Variants in MALRD1 observed in about 807,000 individuals in gnomAD.
MALRD1 encodes the protein MAM and LDL receptor class A domain containing 1.
A neutral mutation model predicts 242.1 loss-of-function variants in MALRD1; 247 were observed. The observed-to-expected ratio is 1.02, with a 90% CI of 0.92 to 1.13. The LOEUF (loss-of-function observed/expected upper bound fraction) is 1.13. Among genes scored for constraint, MALRD1 ranks in the 50% most tolerant of loss-of-function variants. MALRD1 has a pLI of 0.00. For missense variants in MALRD1, 2,989 were observed against 2,533.1 expected, an observed-to-expected ratio of 1.18 and a Z score of -3.86; for synonymous variants, 995 against 866.6, an observed-to-expected ratio of 1.15 and a Z score of -2.60.
chr10:19,450,638 T>C (rs1835271649), intron 29 of MALRD1, 148 bp downstream of exon 29: 3 of 771,044 alleles, frequency 3.9e-6, no homozygotes, highest in Non-Finnish European at 4.0e-6. Context: ...AATTGTGAAC[T>C]TAAAACTGTA....
At chr10:19,644,445 T>C (rs1291961602) in intron 36 of MALRD1, among the ~76,000 whole-genome samples, 1 of 376 alleles carries the variant, frequency 2.7e-3, no homozygotes, top group Non-Finnish European at 6.0e-3. Context: ...AAGAAACTTA[T>C]GCCCCCAAAT....
intron 22 of MALRD1, among the ~76,000 whole-genome samples, 154 bp downstream of exon 22, chr10:19,324,259 G>A (rs563841765): frequency 1.3e-5 from 2 of 152,236 alleles, no homozygotes; most frequent in African/African-American, 4.8e-5. Context: ...AAAAGCTTTA[G>A]CAGAATTGGA....
At chr10:19,455,415 TCC>T (rs1457004538) in intron 29 of MALRD1, among the ~76,000 whole-genome samples, 1 of 152,218 alleles carries the variant, frequency 6.6e-6, no homozygotes, top group Non-Finnish European at 1.5e-5. Flanking sequence ...GCTGTTAATA[TCC>T]CAGATCAGCA....
chr10:19,301,636 C>T (rs1055967578), intron 21 of MALRD1, among the ~76,000 whole-genome samples: 2 of 151,780 alleles, frequency 1.3e-5, no homozygotes, highest in African/African-American at 4.8e-5. Context: ...ACCATATATT[C>T]TTCTTCAGAA....
At chr10:19,528,927 G>A (rs965401331) in intron 31 of MALRD1, among the ~76,000 whole-genome samples, 3 of 152,262 alleles carry the variant, frequency 2.0e-5, no homozygotes, top group East Asian at 1.9e-4. Context: ...GCCCATGAAC[G>A]GGAACTCTTC....
intron 14 of MALRD1, among the ~76,000 whole-genome samples, chr10:19,187,409 T>C (rs1280635795): frequency 6.6e-6 from 1 of 151,878 alleles, no homozygotes; most frequent in African/African-American, 2.4e-5. Context: ...TAACAAAGAC[T>C]TGAGAAGGTG....
intron 17 of MALRD1, among the ~76,000 whole-genome samples, chr10:19,206,873 C>G (rs1836810598): frequency 6.6e-6 from 1 of 152,196 alleles, no homozygotes; most frequent in Non-Finnish European, 1.5e-5. Flanking sequence ...TTGCCATTCA[C>G]CTTCTGCCCT....
chr10:19,404,935 T>C (rs2130864876), intron 28 of MALRD1, among the ~76,000 whole-genome samples: 1 of 152,322 alleles, frequency 6.6e-6, no homozygotes, highest in Non-Finnish European at 1.5e-5. Context: ...AATGTACTAG[T>C]TGCTTTTCCT....
In MALRD1 at chr10:19,173,679, G is replaced by A. The variant is rs551402609; in HGVS notation, c.1831-1529G>A. 4.5e-4 allele frequency among the ~76,000 whole-genome samples: 68 copies of A among 152,158 alleles called. 1 individual carries two copies. The South Asian group carries it at 0.011, about 25-fold the overall frequency. On this transcript the variant is annotated intron_variant, in intron 13 of 39. Coordinates refer to ENST00000454679, the MANE Select transcript of MALRD1 (RefSeq NM_001142308.3). The stretch of plus-strand genomic sequence containing the variant: ...TTTCTCATCTCTGTGTTTTTGCTGC[G>A]ATTGCTGCCTCAGTTTCTCGAGGTA...
At chr10:19,403,535 G>A (rs1296435358) in intron 28 of MALRD1, among the ~76,000 whole-genome samples, 3 of 152,074 alleles carry the variant, frequency 2.0e-5, no homozygotes, top group African/African-American at 2.4e-5. Flanking sequence ...TCAGACTTAT[G>A]AGCTGAGGGA....
intron 31 of MALRD1, among the ~76,000 whole-genome samples, chr10:19,520,087 C>T (rs1833811414): frequency 6.6e-6 from 1 of 152,154 alleles, no homozygotes; most frequent in Non-Finnish European, 1.5e-5. Flanking sequence ...ATCCTCACAA[C>T]AACCTTGAGT....
chr10:19,604,833 G>T (rs1342304887), intron 34 of MALRD1, among the ~76,000 whole-genome samples: 1 of 152,092 alleles, frequency 6.6e-6, no homozygotes, highest in African/African-American at 2.4e-5. Context: ...TATGCACTGG[G>T]AAACAAAACA....
intron 33 of MALRD1, among the ~76,000 whole-genome samples, chr10:19,583,722 G>A (rs1385079207): frequency 1.2e-4 from 18 of 151,784 alleles, no homozygotes; most frequent in East Asian, 1.9e-4. Context: ...TTGGTATCAG[G>A]ATGATGCTGG....
chr10:19,242,634 T>C (rs1317879095), intron 18 of MALRD1, among the ~76,000 whole-genome samples: 2 of 152,164 alleles, frequency 1.3e-5, no homozygotes, highest in African/African-American at 4.8e-5. Context: ...CTAAGTAATA[T>C]ATATGTTATG....
intron 18 of MALRD1, among the ~76,000 whole-genome samples, chr10:19,256,022 C>T (rs1839493498): frequency 6.6e-6 from 1 of 152,018 alleles, no homozygotes; most frequent in African/African-American, 2.4e-5. Flanking sequence ...GTGTATATAT[C>T]CCTAAAGCTG....
At chr10:19,700,973 C>A (rs906861391) in intron 38 of MALRD1, among the ~76,000 whole-genome samples, 1 of 152,046 alleles carries the variant, frequency 6.6e-6, no homozygotes, top group Admixed American at 6.6e-5. Flanking sequence ...CATAGCAAAA[C>A]CCCACCTCTA....
intron 2 of MALRD1, among the ~76,000 whole-genome samples, chr10:19,073,320 GATT>G (rs1418263255): frequency 1.3e-5 from 2 of 152,074 alleles, no homozygotes; most frequent in African/African-American, 2.4e-5. Context: ...TATATATGCT[GATT>G]ATTATTGTTA....
At chr10:19,649,050 A>G (rs1354560171) in intron 36 of MALRD1, among the ~76,000 whole-genome samples, 1 of 152,168 alleles carries the variant, frequency 6.6e-6, no homozygotes, top group African/African-American at 2.4e-5. Flanking sequence ...TCCATCCACG[A>G]TCCCACAAAA....
intron 33 of MALRD1, among the ~76,000 whole-genome samples, chr10:19,581,672 G>A (rs1295716117): frequency 2.2e-4 from 32 of 148,784 alleles, no homozygotes; most frequent in African/African-American, 4.2e-4. Context: ...TAATGCCGCA[G>A]TAAACATACG....
Sources: gnomAD v4.1 joint callset for allele counts (sites outside exome capture counted in the v4.1 genomes callset) on GRCh38, gnomAD v4.1.1 for gene constraint, MANE v1.5 for transcripts, NCBI Gene and HGNC (gene_info 2026-07-23, HGNC 2026-07-21) for gene names.